MITF: variants seen among roughly 807,000 people sequenced by gnomAD.
MITF encodes melanocyte inducing transcription factor.
In MITF, 17 loss-of-function variants were observed where a neutral mutation model predicts 60.5. The ratio of observed to expected loss-of-function variants is 0.28; its 90% confidence interval spans 0.19 to 0.42. The LOEUF (loss-of-function observed/expected upper bound fraction) is 0.42, where lower values mean the gene tolerates loss of function less well. Ranked by LOEUF, MITF falls within the 10% of genes least tolerant of loss-of-function variation. The probability of loss-of-function intolerance (pLI) is 1.00; values close to 1 mark genes in which losing one functional copy is unlikely to be tolerated. For synonymous variants in MITF, 260 were observed against 248.5 expected (o/e 1.05, Z -0.43); for missense variants, 622 against 683.5 (o/e 0.91, Z 1.00).
At chr3:69,959,060 CA>C (rs1254496398) in intron 8 of MITF, among the ~76,000 whole-genome samples, 1 of 151,900 alleles carries the variant, frequency 6.6e-6, no homozygotes, top group African/African-American at 2.4e-5. Context: ...ACGTTGGGTA[CA>C]GTGTACACGG....
intron 2 of MITF, among the ~76,000 whole-genome samples, chr3:69,893,897 G>A (rs2064815237): frequency 6.6e-6 from 1 of 152,158 alleles, no homozygotes; most frequent in East Asian, 1.9e-4. Flanking sequence ...AGACTTATAT[G>A]TTGTTTTTAA....
At chr3:69,891,754 G>A (rs2064764565) in intron 2 of MITF, among the ~76,000 whole-genome samples, 1 of 152,170 alleles carries the variant, frequency 6.6e-6, no homozygotes, top group Admixed American at 6.5e-5. Flanking sequence ...GGTACAGTGG[G>A]CAAGCACTTT....
intron 2 of MITF, among the ~76,000 whole-genome samples, chr3:69,884,754 T>C (rs1430785467): frequency 6.6e-6 from 1 of 152,214 alleles, no homozygotes; most frequent in Non-Finnish European, 1.5e-5. Context: ...GGATTCATGT[T>C]GGACTTGGTT....
intron 1 of MITF, among the ~76,000 whole-genome samples, chr3:69,811,574 G>A (rs558956056): frequency 3.3e-5 from 5 of 152,188 alleles, no homozygotes; most frequent in Admixed American, 3.3e-4. Context: ...TCCCAGAATG[G>A]TTTCCAGCCT....
In MITF at chr3:69,763,864, C is replaced by T. The variant is rs927240385; in HGVS notation, c.104+24163C>T. 7.3e-6 allele frequency: 10 copies of T among 1,375,034 alleles called. No homozygotes were observed. The highest frequency in any genetic ancestry group is 2.1e-5 in the Admixed American group (1 of 47,938). The allele number at this position is 1,375,034 out of a possible 1,614,324, so 85.2% of individuals were successfully genotyped here. On this transcript the variant is annotated intron_variant, in intron 1 of 9. Transcript: ENST00000352241. The stretch of plus-strand genomic sequence containing the variant: ...CAAATGGGACACCTTGAAAATACTT[C>T]AGTGGTTTTCCCACGAGCTATTTTC...
chr3:69,818,937 T>C (rs568093663), intron 1 of MITF, among the ~76,000 whole-genome samples: 1 of 152,292 alleles, frequency 6.6e-6, no homozygotes, highest in South Asian at 2.1e-4. Flanking sequence ...AATACACGTG[T>C]ATGGAAACAA....
chr3:69,962,517 A>G (rs934380577), intron 9 of MITF, among the ~76,000 whole-genome samples: 10 of 152,188 alleles, frequency 6.6e-5, no homozygotes, highest in Non-Finnish European at 1.2e-4. Context: ...GCAGGCACAT[A>G]TGTTTCTCAG....
chr3:69,966,720 T>C lies in MITF; in HGVS notation c.*1472T>C, dbSNP rs1245738407. ...TAGTGTTACATGTATCAAGCCTAGATGTTTTATACAGATGCCATATAGTGT... is the reference window on the plus strand; with the variant it reads ...TAGTGTTACATGTATCAAGCCTAGACGTTTTATACAGATGCCATATAGTGT... On this transcript the variant is annotated 3_prime_UTR_variant, in exon 10 of 10. Transcript: ENST00000352241. The C allele has an allele frequency of 4.3e-6, 1 of 232,928 alleles. No homozygotes were observed. Among genetic ancestry groups the C allele is most frequent in the Non-Finnish European group, 8.5e-6 (1 of 117,672 alleles). The allele number at this position is 232,928 out of a possible 1,614,324, so 14.4% of individuals were successfully genotyped here. A position where few individuals can be genotyped will look rare whatever the true frequency, so the allele number is the denominator to read the frequency against.
intron 1 of MITF, among the ~76,000 whole-genome samples, chr3:69,857,938 T>G (rs972330875): frequency 7.2e-5 from 11 of 152,264 alleles, no homozygotes; most frequent in Non-Finnish European, 1.5e-4. Context: ...AAGCTTAAAT[T>G]ATGGTTTATA....
chr3:69,739,541 T>C lies in MITF; in HGVS notation c.-57T>C. 6.7e-7 allele frequency: 1 copy of C among 1,482,188 alleles called. No homozygotes were observed. The highest frequency in any genetic ancestry group is 9.2e-7 in the Non-Finnish European group (1 of 1,084,144). The allele number at this position is 1,482,188 out of a possible 1,614,324, so 91.8% of individuals were successfully genotyped here. A position where few individuals can be genotyped will look rare whatever the true frequency, so the allele number is the denominator to read the frequency against. ...GGGACCCAGGCCCAGCTACCTTCCC[T>C]CCGCCCCCGGGCTCTGTTCTCACTT... On this transcript the variant is annotated 5_prime_UTR_variant, in exon 1 of 10. Transcript: ENST00000352241.
chr3:69,931,665 T>G (rs1226013592), intron 2 of MITF, among the ~76,000 whole-genome samples: 1 of 147,650 alleles, frequency 6.8e-6, no homozygotes, highest in Non-Finnish European at 1.5e-5. Context: ...AGACAGGAAG[T>G]AGTATGAAAG....
intron 1 of MITF, among the ~76,000 whole-genome samples, chr3:69,818,583 C>T (rs1448062384): frequency 6.6e-6 from 1 of 152,064 alleles, no homozygotes; most frequent in East Asian, 1.9e-4. Flanking sequence ...AGGAAGAAAC[C>T]ATGTTTATCT....
At chr3:69,957,898 A>C (rs1483760834) in intron 8 of MITF, among the ~76,000 whole-genome samples, 1 of 152,176 alleles carries the variant, frequency 6.6e-6, no homozygotes, top group Non-Finnish European at 1.5e-5. Flanking sequence ...GGTTTCTAGA[A>C]TGTGCCTTGG....
intron 7 of MITF, 113 bp downstream of exon 7, chr3:69,951,999 T>C: frequency 1.3e-6 from 1 of 794,960 alleles, no homozygotes; most frequent in Non-Finnish European, 2.2e-6. Flanking sequence ...GTTAAAATTC[T>C]CTCTTATGGA....
intron 2 of MITF, among the ~76,000 whole-genome samples, chr3:69,885,492 T>C (rs1158312155): frequency 1.3e-5 from 2 of 152,094 alleles, no homozygotes; most frequent in East Asian, 1.9e-4. Context: ...TCTTTTTTAA[T>C]GTCATGAGAC....
intron 1 of MITF, among the ~76,000 whole-genome samples, chr3:69,854,866 G>T (rs2063889030): frequency 6.6e-6 from 1 of 152,116 alleles, no homozygotes; most frequent in South Asian, 2.1e-4. Flanking sequence ...CCTTGTTGAG[G>T]ATTACTCCTC....
At chr3:69,837,593 C>T (rs898162593) in intron 1 of MITF, among the ~76,000 whole-genome samples, 7 of 152,156 alleles carry the variant, frequency 4.6e-5, no homozygotes, top group Non-Finnish European at 1.0e-4. Flanking sequence ...AAAACTTGAT[C>T]TAACTGGGAG....
At chr3:69,909,507 A>G (rs183339505) in intron 2 of MITF, among the ~76,000 whole-genome samples, 68 of 152,314 alleles carry the variant, frequency 4.5e-4, no homozygotes, top group Admixed American at 3.4e-3. Context: ...GCTAGGAAGG[A>G]GACAGAAAAA....
intron 1 of MITF, among the ~76,000 whole-genome samples, chr3:69,842,934 G>T (rs892243527): frequency 2.0e-5 from 3 of 152,158 alleles, no homozygotes; most frequent in African/African-American, 7.2e-5. Context: ...CTTGTGGAGA[G>T]TTTCGGTCCT....
Sources: allele counts gnomAD v4.1 joint callset (sites outside exome capture counted in the v4.1 genomes callset), GRCh38; gene constraint gnomAD v4.1.1; transcripts MANE v1.5; gene names NCBI Gene and HGNC (gene_info 2026-07-23, HGNC 2026-07-21).